CDKL5: variants seen among roughly 807,000 people sequenced by gnomAD.
CDKL5 encodes the protein cyclin-dependent kinase-like 5.
A neutral mutation model predicts 61.7 loss-of-function variants in CDKL5; 8 were observed. That is an observed-to-expected ratio of 0.13 (90% CI 0.08 to 0.23). CDKL5 has a LOEUF of 0.23. Among genes scored for constraint, CDKL5 ranks in the 10% least tolerant of loss-of-function variants. CDKL5 has a pLI of 1.00. For missense variants in CDKL5, 440 were observed against 734.5 expected, an observed-to-expected ratio of 0.60 and a Z score of 4.63; for synonymous variants, 275 against 272.3, an observed-to-expected ratio of 1.01 and a Z score of -0.10.
intron 1 of CDKL5, among the ~76,000 whole-genome samples, chrX:18,497,824 C>T (rs1250167407): frequency 9.3e-6 from 1 of 107,957 alleles, no homozygotes; most frequent in Admixed American, 1.0e-4. Context: ...CCCTTTCTTC[C>T]TTCCTTTCTT....
At chrX:18,470,330 C>G (rs1306843924) in intron 1 of CDKL5, among the ~76,000 whole-genome samples, 5 of 80,604 alleles carry the variant, frequency 6.2e-5, no homozygotes, top group African/African-American at 2.5e-4. Context: ...AGTGAGACTC[C>G]GTCTCAAAAA....
chrX:18,512,977 G>A (rs945645965), intron 3 of CDKL5, among the ~76,000 whole-genome samples: 6 of 110,639 alleles, frequency 5.4e-5, no homozygotes, highest in African/African-American at 2.0e-4. Flanking sequence ...TCTAATCTTG[G>A]GTTTTAAAAC....
chrX:18,509,052 A>C (rs1463325378), intron 2 of CDKL5, among the ~76,000 whole-genome samples: 1 of 106,550 alleles, frequency 9.4e-6, no homozygotes, highest in Admixed American at 1.0e-4. Context: ...AGCTTGTGCC[A>C]CTGCACTCCA....
At chrX:18,504,748 G>A (rs967308633) in intron 1 of CDKL5, among the ~76,000 whole-genome samples, 5 of 109,778 alleles carry the variant, frequency 4.6e-5, no homozygotes, top group Non-Finnish European at 7.6e-5. Context: ...TGGCTAACAC[G>A]GTGAAACCCC....
intron 1 of CDKL5, among the ~76,000 whole-genome samples, chrX:18,432,103 T>C (rs756593556): frequency 2.1e-4 from 21 of 99,999 alleles, no homozygotes; most frequent in South Asian, 4.9e-4. Flanking sequence ...TTCTTTCTTT[T>C]TTTTTTTTTT....
At chrX:18,531,942 G>A (rs930550822) in intron 3 of CDKL5, among the ~76,000 whole-genome samples, 2 of 109,049 alleles carry the variant, frequency 1.8e-5, no homozygotes, top group Non-Finnish European at 1.9e-5. Context: ...TCCTGACCTC[G>A]TGATCCACCC....
In CDKL5 at chrX:18,494,080, C is replaced by T. The variant is rs764775041; in HGVS notation, c.-162-12855C>T. Among the ~76,000 whole-genome samples, 9 of 110,942 alleles carry T rather than the reference C, an allele frequency of 8.1e-5. 1 individual carries two copies. The South Asian group carries it at 3.1e-3, about 38-fold the overall frequency. The stretch of plus-strand genomic sequence containing the variant: ...GCTGGGACTCAGGCATGCACCACCA[C>T]GCTTGGTTAATTTTTTGTAGATGCA... On this transcript the variant is annotated intron_variant, in intron 1 of 17. Coordinates refer to ENST00000623535, the MANE Select transcript of CDKL5 (RefSeq NM_001323289.2).
At chrX:18,432,165 C>T (rs1741000018) in intron 1 of CDKL5, among the ~76,000 whole-genome samples, 1 of 101,335 alleles carries the variant, frequency 9.9e-6, no homozygotes, top group African/African-American at 3.7e-5. Context: ...GTGGTGTGAT[C>T]TTGGCTCACT....
In CDKL5 at chrX:18,491,712, G is replaced by T. The variant is rs147539480; in HGVS notation, c.-162-15223G>T. On this transcript the variant is annotated intron_variant, in intron 1 of 17. Coordinates refer to ENST00000623535, the MANE Select transcript of CDKL5 (RefSeq NM_001323289.2). ...AATATAATCTTATATTGAACCACAGGATACAAAAAAGATACGTGATATTTA... is the reference window on the plus strand; with the variant it reads ...AATATAATCTTATATTGAACCACAGTATACAAAAAAGATACGTGATATTTA... 8.5e-3 allele frequency among the ~76,000 whole-genome samples: 947 copies of T among 110,765 alleles called. 4 individuals carry two copies. The highest frequency in any genetic ancestry group is 0.042 in the Middle Eastern group (9 of 212).
Position 18,609,579 on chromosome X carries a change from A to C in CDKL5, c.2152+9A>C, listed in dbSNP as rs903712991. On this transcript the variant is annotated intron_variant, in intron 14 of 17. Transcript: ENST00000623535. ...TGGTAGCTTTTACAGAGGTAAGCCC[A>C]CCCCCGGCATTCAACAGGTTCCCCT... The C allele has an allele frequency of 2.2e-5, 26 of 1,207,823 alleles. No homozygotes were observed. The highest frequency in any genetic ancestry group is 2.8e-5 in the Non-Finnish European group (25 of 894,704).
rs1284808752 is a variant in CDKL5 at position 18,521,645 on chromosome X, T to C, written c.99+10791T>C. On this transcript the variant is annotated intron_variant, in intron 3 of 17. Transcript: ENST00000623535. ...GTGGATGAAGTCTGAGGTTTTTGTG[T>C]AACCATACCCAAATAATGTACATTG... Among the ~76,000 whole-genome samples the C allele has an allele frequency of 4.4e-5, 5 of 112,626 alleles. No homozygotes were observed. The East Asian group carries it at 1.1e-3, about 25-fold the overall frequency.
At chrX:18,644,344 C>A, downstream of CDKL5, 1 of 848,327 alleles carries the variant, frequency 1.2e-6, no homozygotes. Flanking sequence ...GGTGCTCTGA[C>A]AGAGGGCAGT....
rs185077997 is a variant in CDKL5 at position 18,610,958 on chromosome X, G to A, written c.2152+1388G>A. ...ATTTGGGGCGGGGGCATGGAGAACT[G>A]CTTAGTCATTTTAATTAGGAACCCC... On this transcript the variant is annotated intron_variant, in intron 14 of 17. Coordinates refer to ENST00000623535, the MANE Select transcript of CDKL5 (RefSeq NM_001323289.2). 6.7e-3 allele frequency among the ~76,000 whole-genome samples: 749 copies of A among 112,077 alleles called. 8 individuals carry two copies. The highest frequency in any genetic ancestry group is 0.023 in the African/African-American group (700 of 30,870).
intron 3 of CDKL5, among the ~76,000 whole-genome samples, chrX:18,560,563 T>G (rs1215253077): frequency 1.8e-5 from 2 of 112,051 alleles, no homozygotes; most frequent in African/African-American, 6.5e-5. Context: ...ACTATGTGCC[T>G]GCTATTCTAG....
rs61753977 is a variant in CDKL5, at chrX:18,604,254, C to T, written c.1330C>T (p.Arg444Cys). 3.0e-4 allele frequency: 358 copies of T among 1,210,177 alleles called. No individual in the cohort carries two copies. The highest frequency in any genetic ancestry group is 3.8e-4 in the Non-Finnish European group (341 of 895,244). The change falls in exon 12 of 18, where the codon CGC becomes TGC. Residue 444 changes from arginine (R) to cysteine (C), a missense_variant. Coordinates refer to ENST00000623535, the MANE Select transcript of CDKL5 (RefSeq NM_001323289.2). ...LKSNSRSQQNRHSFMESSQSK... is the reference protein window; with the variant it reads ...LKSNSRSQQNCHSFMESSQSK... ...GTCAAACAGCAGATCTCAGCAGAAC[C>T]GCCACTCATTCATGGAAAGCTCTCA...
At chrX:18,440,692 C>A (rs1433001220) in intron 1 of CDKL5, among the ~76,000 whole-genome samples, 1 of 111,652 alleles carries the variant, frequency 9.0e-6, no homozygotes, top group East Asian at 2.8e-4. Context: ...AGGCTGGTCT[C>A]GAACTCCTGA....
intron 1 of CDKL5, chrX:18,427,052 G>A (rs1343899425): frequency 8.9e-6 from 1 of 111,869 alleles, no homozygotes; most frequent in Non-Finnish European, 1.9e-5. Context: ...ATGATCTTAT[G>A]ATTAACAATC....
Position 18,604,349 on chromosome X carries a change from G to A in CDKL5, c.1425G>A (p.Gln475=), listed in dbSNP as rs1162963181. The A allele has an allele frequency of 8.3e-7, 1 of 1,209,404 alleles. No individual in the cohort carries two copies. Among genetic ancestry groups the A allele is most frequent in the Non-Finnish European group, 1.1e-6 (1 of 894,073 alleles). ...ATAGCTATATTGACACAATTCCCCA[G>A]TCCTCTAGGAGTCCCTCCTACAGGA... is the stretch of plus-strand genomic sequence containing the variant. The part of the protein sequence containing the change: ...SRHSYIDTIP[Q]SSRSPSYRTK... Residue 475 remains glutamine (Q), a synonymous_variant, in exon 12 of 18, where the codon CAG becomes CAA. Coordinates refer to ENST00000623535, the MANE Select transcript of CDKL5 (RefSeq NM_001323289.2).
chrX:18,509,243 A>C lies in CDKL5; in HGVS notation c.65-1577A>C, dbSNP rs202034301. On this transcript the variant is annotated intron_variant, in intron 2 of 17. Coordinates refer to ENST00000623535, the MANE Select transcript of CDKL5 (RefSeq NM_001323289.2). The stretch of plus-strand genomic sequence containing the variant: ...CACACACACACACACACACACACAC[A>C]CACCCCTGTCAAGCAAACTCTGCAT... Among the ~76,000 whole-genome samples, 695 of 97,934 alleles carry C rather than the reference A, an allele frequency of 7.1e-3. 22 individuals are homozygous for C. The highest frequency in any genetic ancestry group is 0.067 in the East Asian group (189 of 2,833). The allele number at this position is 97,934 out of a possible 115,157, so 85.0% of individuals were successfully genotyped here.
Sources: allele counts gnomAD v4.1 joint callset (sites outside exome capture counted in the v4.1 genomes callset), GRCh38; gene constraint gnomAD v4.1.1; transcripts MANE v1.5; gene names NCBI Gene and HGNC (gene_info 2026-07-23, HGNC 2026-07-21).